NR3C2: variants seen among roughly 807,000 people sequenced by gnomAD.
The protein encoded by NR3C2 is nuclear receptor subfamily 3 group C member 2.
Under a neutral mutation model 86.4 loss-of-function variants are expected in NR3C2, and 15 were observed. The ratio of observed to expected loss-of-function variants is 0.17; its 90% CI spans 0.12 to 0.27. NR3C2 has a LOEUF of 0.27. Ranked by LOEUF, NR3C2 falls within the 10% of genes least tolerant of loss-of-function variation. NR3C2 has a pLI of 1.00. For missense variants in NR3C2, 960 were observed against 1,195.6 expected, an observed-to-expected ratio of 0.80 and a Z score of 2.91; for synonymous variants, 458 against 450.5, an observed-to-expected ratio of 1.02 and a Z score of -0.21.
chr4:148,187,253 A>G (rs1735972311), intron 4 of NR3C2, among the ~76,000 whole-genome samples: 1 of 151,850 alleles, frequency 6.6e-6, no homozygotes. Flanking sequence ...GCTGGATGAA[A>G]TGGTAGTTCT....
At chr4:148,306,482 C>T (rs565110233) in intron 2 of NR3C2, among the ~76,000 whole-genome samples, 9 of 152,284 alleles carry the variant, frequency 5.9e-5, no homozygotes, top group African/African-American at 2.2e-4. Context: ...ACTAAACTAC[C>T]ACCAACTGGA....
chr4:148,311,452 A>G (rs779797425), intron 2 of NR3C2, among the ~76,000 whole-genome samples: 6 of 152,166 alleles, frequency 3.9e-5, no homozygotes, highest in Middle Eastern at 3.4e-3. Flanking sequence ...TCTCTCTCAC[A>G]CTTCACATCA....
At chr4:148,327,464 G>T (rs558287536) in intron 2 of NR3C2, among the ~76,000 whole-genome samples, 1 of 152,216 alleles carries the variant, frequency 6.6e-6, no homozygotes, top group East Asian at 1.9e-4. Context: ...TCGGATCCTG[G>T]GGACAATTAC....
At chr4:148,380,921 A>G (rs1171625686) in intron 2 of NR3C2, among the ~76,000 whole-genome samples, 1 of 152,210 alleles carries the variant, frequency 6.6e-6, no homozygotes, top group Non-Finnish European at 1.5e-5. Flanking sequence ...TTATACACAT[A>G]TAATACACAT....
intron 2 of NR3C2, among the ~76,000 whole-genome samples, chr4:148,304,328 CT>C (rs35633620): frequency 0.038 from 3,220 of 83,842 alleles, 131 homozygotes; most frequent in African/African-American, 0.13. Context: ...GTTGTTGTTG[CT>C]TTTTTTTTTT....
intron 3 of NR3C2, among the ~76,000 whole-genome samples, chr4:148,231,388 T>C (rs1490567395): frequency 6.6e-6 from 1 of 152,108 alleles, no homozygotes; most frequent in African/African-American, 2.4e-5. Flanking sequence ...ATCACCACAA[T>C]AAAGCAAACA....
At chr4:148,330,352 G>A (rs2149967190) in intron 2 of NR3C2, among the ~76,000 whole-genome samples, 1 of 152,186 alleles carries the variant, frequency 6.6e-6, no homozygotes, top group East Asian at 1.9e-4. Flanking sequence ...AAGCACAACT[G>A]GTCCATCCAA....
intron 3 of NR3C2, among the ~76,000 whole-genome samples, chr4:148,227,236 C>G (rs1477319319): frequency 6.6e-6 from 1 of 152,152 alleles, no homozygotes; most frequent in East Asian, 1.9e-4. Flanking sequence ...ACTGGCCCGT[C>G]ATTCCGTAGA....
upstream of NR3C2, chr4:148,445,045 C>T (rs1461132466): frequency 2.1e-6 from 2 of 971,218 alleles, no homozygotes; most frequent in Non-Finnish European, 2.4e-6. Flanking sequence ...GAGGCGGCAC[C>T]GCGTCCGGCC....
In NR3C2 at chr4:148,329,938, G is replaced by C. The variant is rs541879998; in HGVS notation, c.1758-69821C>G. 3.0e-3 allele frequency among the ~76,000 whole-genome samples: 450 copies of C among 152,226 alleles called. 1 individual carries two copies. The highest frequency in any genetic ancestry group is 0.01 in the African/African-American group (427 of 41,522). ...AATGGGTTGTTCGCTCTAATCACTT[G>C]AGCAGTTCCATGTCTGGCCAATGAT... is the stretch of plus-strand genomic sequence containing the variant. On this transcript the variant is annotated intron_variant, in intron 2 of 8. Coordinates refer to ENST00000358102, the MANE Select transcript of NR3C2 (RefSeq NM_000901.5).
intron 2 of NR3C2, among the ~76,000 whole-genome samples, chr4:148,421,860 T>C (rs771187620): frequency 6.6e-6 from 1 of 152,134 alleles, no homozygotes; most frequent in Non-Finnish European, 1.5e-5. Flanking sequence ...ACAAATTCAG[T>C]CTTCAAAAAA....
chr4:148,354,046 C>T (rs554795741), intron 2 of NR3C2, among the ~76,000 whole-genome samples: 1 of 152,020 alleles, frequency 6.6e-6, no homozygotes, highest in African/African-American at 2.4e-5. Flanking sequence ...TTACAGTTGA[C>T]CCTTTAACAA....
intron 8 of NR3C2, among the ~76,000 whole-genome samples, chr4:148,086,251 C>G (rs1730806165): frequency 6.6e-6 from 1 of 152,212 alleles, no homozygotes; most frequent in South Asian, 2.1e-4. Context: ...CAAACTGAAT[C>G]CAGCAGCACA....
At chr4:148,270,005 G>C (rs1003160177) in intron 2 of NR3C2, among the ~76,000 whole-genome samples, 2 of 151,830 alleles carry the variant, frequency 1.3e-5, no homozygotes, top group South Asian at 2.1e-4. Flanking sequence ...GGCATGAGAC[G>C]CTGAGGACTG....
intron 2 of NR3C2, among the ~76,000 whole-genome samples, chr4:148,373,828 A>T (rs1452158990): frequency 6.6e-6 from 1 of 152,168 alleles, no homozygotes. Flanking sequence ...TCACACACAC[A>T]ATCTAATTTA....
In NR3C2 at chr4:148,366,440, T is replaced by TAAAAAGAA. The variant is rs1186472283; in HGVS notation, c.1757+68663_1757+68664insTTCTTTTT. On this transcript the variant is annotated intron_variant, in intron 2 of 8. Coordinates refer to ENST00000358102, the MANE Select transcript of NR3C2 (RefSeq NM_000901.5). ...TCACTCCTTGAAAAAGAATACTTTT[T>TAAAAAGAA]TAAAAGTACTTTTAAAAAAGAATAC... 9.2e-4 allele frequency among the ~76,000 whole-genome samples: 139 copies of TAAAAAGAA among 150,918 alleles called. 1 individual carries two copies. The highest frequency in any genetic ancestry group is 1.4e-3 in the Non-Finnish European group (92 of 67,392).
chr4:148,391,519 T>C (rs1747558771), intron 2 of NR3C2, among the ~76,000 whole-genome samples: 1 of 152,156 alleles, frequency 6.6e-6, no homozygotes, highest in African/African-American at 2.4e-5. Context: ...TTGATCCAAA[T>C]TTAGCAGAAT....
intron 6 of NR3C2, among the ~76,000 whole-genome samples, chr4:148,147,373 C>T (rs1364237213): frequency 6.6e-6 from 1 of 152,222 alleles, no homozygotes; most frequent in Non-Finnish European, 1.5e-5. Context: ...AAACTTCACA[C>T]TTCATCATAA....
At chr4:148,415,937 T>A (rs371896575) in intron 2 of NR3C2, among the ~76,000 whole-genome samples, 1 of 152,314 alleles carries the variant, frequency 6.6e-6, no homozygotes. Context: ...CGAGGCATTT[T>A]CTTCCACTAA....
Sources: gnomAD v4.1 joint callset for allele counts (sites outside exome capture counted in the v4.1 genomes callset) on GRCh38, gnomAD v4.1.1 for gene constraint, MANE v1.5 for transcripts, NCBI Gene and HGNC (gene_info 2026-07-23, HGNC 2026-07-21) for gene names.